The following PICALM variants were observed in gnomAD, a reference collection of about 807,000 sequenced individuals.
PICALM encodes phosphatidylinositol-binding clathrin assembly protein.
PICALM carries 40 observed loss-of-function variants against 80.5 expected under a neutral mutation model. The ratio of observed to expected loss-of-function variants is 0.50; its 90% CI spans 0.39 to 0.65. PICALM has a LOEUF of 0.65. Ranked by LOEUF, PICALM falls within the 30% of genes least tolerant of loss-of-function variation. PICALM has a pLI of 0.00. For synonymous variants in PICALM, 288 were observed against 260.3 expected (o/e 1.11, Z -1.02); for missense variants, 676 against 778.9 (o/e 0.87, Z 1.57).
chr11:86,026,631 T>C (rs2136638391), intron 2 of PICALM, among the ~76,000 whole-genome samples: 1 of 152,342 alleles, frequency 6.6e-6, no homozygotes, highest in East Asian at 1.9e-4. Context: ...GTGGAAGCAG[T>C]AGTTTTGGTT....
At chr11:85,989,332 TCTTC>T (rs1275005558) in intron 13 of PICALM, among the ~76,000 whole-genome samples, 2 of 152,196 alleles carry the variant, frequency 1.3e-5, no homozygotes, top group African/African-American at 4.8e-5. Flanking sequence ...TCTAGTTAAT[TCTTC>T]CTTCTCTTCC....
chr11:86,003,276 G>T, intron 9 of PICALM, 90 bp downstream of exon 9: 1 of 635,148 alleles, frequency 1.6e-6, no homozygotes, highest in Admixed American at 2.5e-5. Context: ...TCAAGATATA[G>T]AGAAATTAAA....
chr11:86,023,251 T>C (rs1346006568), intron 3 of PICALM, among the ~76,000 whole-genome samples: 1 of 152,182 alleles, frequency 6.6e-6, no homozygotes, highest in Non-Finnish European at 1.5e-5. Context: ...CTTTGCTACC[T>C]TTAAAAGACA....
At chr11:86,066,845 T>C (rs1001608423) in intron 1 of PICALM, among the ~76,000 whole-genome samples, 3 of 152,066 alleles carry the variant, frequency 2.0e-5, no homozygotes, top group East Asian at 1.9e-4. Context: ...CAAGTAGTAT[T>C]TGAAGAGCCG....
At chr11:86,058,019 A>G (rs527781329) in intron 1 of PICALM, among the ~76,000 whole-genome samples, 10 of 152,338 alleles carry the variant, frequency 6.6e-5, no homozygotes, top group African/African-American at 2.2e-4. Context: ...ATTATTCAAT[A>G]CAGTGCATGA....
chr11:85,965,817 T>G (rs1275302464), intron 19 of PICALM, among the ~76,000 whole-genome samples: 10 of 112,930 alleles, frequency 8.9e-5, no homozygotes, highest in Non-Finnish European at 1.7e-4. Context: ...GTTTTTTTGT[T>G]TTTTTTTTTT....
At chr11:86,067,812 C>T (rs1318260995) in intron 1 of PICALM, among the ~76,000 whole-genome samples, 2 of 152,128 alleles carry the variant, frequency 1.3e-5, no homozygotes, top group Non-Finnish European at 2.9e-5. Flanking sequence ...TTCCATATCC[C>T]CATGTGAAAA....
chr11:86,052,864 A>T (rs571571109), intron 1 of PICALM, among the ~76,000 whole-genome samples: 1 of 152,304 alleles, frequency 6.6e-6, no homozygotes, highest in South Asian at 2.1e-4. Context: ...TCACAGTCCA[A>T]AAGCACCCCA....
At chr11:85,960,845 A>G (rs981381458) in intron 19 of PICALM, 2 of 621,072 alleles carry the variant, frequency 3.2e-6, no homozygotes, top group African/African-American at 4.0e-5. Context: ...ATGAAAGCAG[A>G]AAATGTATGA....
rs767695086 is a variant in PICALM, at chr11:86,014,787, CTG to C, written c.546+81_546+82del. On this transcript the variant is annotated intron_variant, in intron 5 of 19. Coordinates refer to ENST00000393346, the MANE Select transcript of PICALM (RefSeq NM_007166.4). ...ATATCAGGATGTGAAAAACTAGAGT[CTG>C]TGAAAACTTGAGGTTAAAAATTCTC... The C allele has an allele frequency of 2.6e-4, 178 of 681,620 alleles. 1 individual carries two copies. Among genetic ancestry groups the C allele is most frequent in the Admixed American group, 1.2e-3 (36 of 30,000 alleles). The allele number at this position is 681,620 out of a possible 1,614,324, so 42.2% of individuals were successfully genotyped here. A position where few individuals can be genotyped will look rare whatever the true frequency, so the allele number is the denominator to read the frequency against.
Position 86,018,901 on chromosome 11 carries a change from G to A in PICALM, c.452+3466C>T, listed in dbSNP as rs201810218. On this transcript the variant is annotated intron_variant, in intron 4 of 19. Coordinates refer to ENST00000393346, the MANE Select transcript of PICALM (RefSeq NM_007166.4). ...CAGACTCTGACTTAAAAAAAAAAAA[G>A]AAAAAAATGAGATGGATCTATGTGT... Among the ~76,000 whole-genome samples the A allele has an allele frequency of 4.0e-3, 190 of 47,812 alleles. 1 individual carries two copies. Among genetic ancestry groups the A allele is most frequent in the South Asian group, 0.014 (30 of 2,076 alleles). The allele number at this position is 47,812 out of a possible 152,430, so 31.4% of individuals were successfully genotyped here. A position where few individuals can be genotyped will look rare whatever the true frequency, so the allele number is the denominator to read the frequency against.
rs117963724 is a variant in PICALM at position 86,002,712 on chromosome 11, A to G, written c.893+654T>C. Among the ~76,000 whole-genome samples the G allele has an allele frequency of 3.3e-4, 51 of 152,282 alleles. 1 individual carries two copies. In the East Asian group the frequency reaches 7.9e-3, roughly 24 times the overall value. On this transcript the variant is annotated intron_variant, in intron 9 of 19. Transcript: ENST00000393346. Reference sequence around the variant, plus strand: ...TGTGAGGATTGAGCAAATTAATACGAAAGTATCTTGCAATTATAGGCCTGG... The same window carrying G: ...TGTGAGGATTGAGCAAATTAATACGGAAGTATCTTGCAATTATAGGCCTGG...
chr11:85,976,821 A>G, intron 17 of PICALM, 139 bp from the exon 18 acceptor site: 1 of 579,886 alleles, frequency 1.7e-6, no homozygotes, highest in East Asian at 2.8e-5. Context: ...ATCATTAAGA[A>G]CTGTCGATTA....
At chr11:85,992,812 T>C (rs1038965332) in intron 12 of PICALM, among the ~76,000 whole-genome samples, 1 of 152,236 alleles carries the variant, frequency 6.6e-6, no homozygotes, top group African/African-American at 2.4e-5. Flanking sequence ...AGATAGGTTT[T>C]ATCTAGCACC....
intron 19 of PICALM, chr11:85,974,504 A>C (rs745324027): frequency 1.5e-6 from 1 of 686,336 alleles, no homozygotes. Context: ...TTCTGTCTTT[A>C]GTATTTGCTA....
intron 3 of PICALM, among the ~76,000 whole-genome samples, chr11:86,024,500 A>G (rs2095618562): frequency 6.7e-6 from 1 of 149,290 alleles, no homozygotes. Context: ...TTAACTCTAC[A>G]CTAGATAACC....
intron 1 of PICALM, among the ~76,000 whole-genome samples, chr11:86,044,863 G>C (rs2096043349): frequency 6.6e-6 from 1 of 152,156 alleles, no homozygotes; most frequent in South Asian, 2.1e-4. Flanking sequence ...GATCGAGGTG[G>C]AACAGTTTCA....
At chr11:86,038,814 C>T (rs1255660265) in intron 1 of PICALM, among the ~76,000 whole-genome samples, 3 of 151,150 alleles carry the variant, frequency 2.0e-5, no homozygotes, top group Admixed American at 6.6e-5. Context: ...CCTATCTTAA[C>T]GTTTAAAAAT....
intron 1 of PICALM, among the ~76,000 whole-genome samples, chr11:86,067,230 G>A (rs1270505292): frequency 6.6e-6 from 1 of 152,078 alleles, no homozygotes; most frequent in Non-Finnish European, 1.5e-5. Flanking sequence ...ATCAAAACAG[G>A]CTTCCAGACA....
Sources: gnomAD v4.1 joint callset for allele counts (sites outside exome capture counted in the v4.1 genomes callset) on GRCh38, gnomAD v4.1.1 for gene constraint, MANE v1.5 for transcripts, NCBI Gene and HGNC (gene_info 2026-07-23, HGNC 2026-07-21) for gene names.